The following HTR4 variants were observed in gnomAD, a reference collection of about 807,000 sequenced individuals.
HTR4 encodes 5-hydroxytryptamine receptor 4, also known as 5-hydroxytryptamine (serotonin) receptor 4, G protein-coupled.
In HTR4, 16 loss-of-function variants were observed where a neutral mutation model predicts 36.8. The observed-to-expected ratio is 0.43, with a 90% confidence interval of 0.29 to 0.66. The LOEUF (loss-of-function observed/expected upper bound fraction) is 0.66, where lower values mean the gene tolerates loss of function less well. Among genes scored for constraint, HTR4 ranks in the 30% least tolerant of loss-of-function variants. HTR4 has a pLI of 0.13. For missense variants in HTR4, 438 were observed against 490.9 expected (o/e 0.89, Z 1.02); for synonymous variants, 189 against 185.1 (o/e 1.02, Z -0.17).
downstream of HTR4, among the ~76,000 whole-genome samples, chr5:148,474,712 C>T (rs1372447932): frequency 6.6e-6 from 1 of 152,100 alleles, no homozygotes; most frequent in Admixed American, 6.5e-5. Flanking sequence ...TTCTAGGCAG[C>T]CAGAAAATTA....
chr5:148,533,645 G>A (rs1239983200), intron 4 of HTR4, among the ~76,000 whole-genome samples: 2 of 152,160 alleles, frequency 1.3e-5, no homozygotes. Flanking sequence ...GGAGATAGTA[G>A]CAGTCAACTT....
At chr5:148,520,333 T>C (rs536908687) in intron 5 of HTR4, among the ~76,000 whole-genome samples, 1 of 152,312 alleles carries the variant, frequency 6.6e-6, no homozygotes, top group East Asian at 1.9e-4. Flanking sequence ...TAAAATTAAA[T>C]AGGCAATCCC....
intron 2 of HTR4, among the ~76,000 whole-genome samples, chr5:148,625,857 G>A (rs1205172903): frequency 3.3e-5 from 5 of 151,800 alleles, no homozygotes; most frequent in African/African-American, 1.2e-4. Context: ...GGGATTACAG[G>A]TGTGAGCCAC....
At position 148,583,473 on chromosome 5, in the gene HTR4, G is replaced by GA. The variant is rs577224344; in HGVS notation, c.27-33212dup. Among the ~76,000 whole-genome samples the GA allele has an allele frequency of 4.0e-4, 59 of 149,124 alleles. 1 individual carries two copies. Among genetic ancestry groups the GA allele is most frequent in the South Asian group, 3.2e-3 (15 of 4,724 alleles). On this transcript the variant is annotated intron_variant, in intron 2 of 6. Transcript: ENST00000377888. ...AATAAAGTTAATTTGATATTTTGCA[G>GA]AAAAAAAAAGAATGATGCAAAGGCT...
intron 6 of HTR4, among the ~76,000 whole-genome samples, chr5:148,494,656 G>T (rs1756606721): frequency 6.6e-6 from 1 of 152,228 alleles, no homozygotes; most frequent in Non-Finnish European, 1.5e-5. Context: ...CTGAGAGAAA[G>T]TTGTATTGCC....
intron 1 of HTR4, among the ~76,000 whole-genome samples, chr5:148,652,510 GA>G (rs1177378891): frequency 6.6e-6 from 1 of 152,154 alleles, no homozygotes; most frequent in Non-Finnish European, 1.5e-5. Context: ...AGAGCAGGGT[GA>G]AAGAATATAC....
At chr5:148,606,524 C>T (rs967389349) in intron 2 of HTR4, among the ~76,000 whole-genome samples, 1 of 152,096 alleles carries the variant, frequency 6.6e-6, no homozygotes, top group Admixed American at 6.6e-5. Context: ...GGCTTAACTC[C>T]ACCAAAACTG....
At position 148,654,193 on chromosome 5, in the gene HTR4, C is replaced by G; in HGVS notation, c.-179G>C. ...CTGCCTGCGCCCTCCCTGCCGCCCCCTCGGGTGCGGGCTCCAGCCCCCGCG... is the reference window on the plus strand; with the variant it reads ...CTGCCTGCGCCCTCCCTGCCGCCCCGTCGGGTGCGGGCTCCAGCCCCCGCG... On this transcript the variant is annotated 5_prime_UTR_variant, in exon 1 of 7. Coordinates refer to ENST00000377888, the MANE Select transcript of HTR4 (RefSeq NM_000870.7). The G allele has an allele frequency of 7.1e-6, 7 of 985,400 alleles. No homozygotes were observed. The highest frequency in any genetic ancestry group is 8.4e-6 in the Non-Finnish European group (7 of 829,920). The allele number at this position is 985,400 out of a possible 1,614,324, so 61.0% of individuals were successfully genotyped here. A position where few individuals can be genotyped will look rare whatever the true frequency, so the allele number is the denominator to read the frequency against.
intron 2 of HTR4, among the ~76,000 whole-genome samples, chr5:148,559,852 T>C (rs1320981240): frequency 6.6e-6 from 1 of 152,152 alleles, no homozygotes; most frequent in Non-Finnish European, 1.5e-5. Context: ...AATCAGAAGA[T>C]AGCAGAAGCC....
rs1760604629 is a variant in HTR4, at chr5:148,569,829, A to G, written c.27-19567T>C. Reference sequence around the variant, plus strand: ...AGAGGTCATGGCCATAAGAATGCACACCCAATTGTTAATCATAAATATTTT... The same window carrying G: ...AGAGGTCATGGCCATAAGAATGCACGCCCAATTGTTAATCATAAATATTTT... On this transcript the variant is annotated intron_variant, in intron 2 of 6. Transcript: ENST00000377888. Among the ~76,000 whole-genome samples, 7 of 152,202 alleles carry G rather than the reference A, an allele frequency of 4.6e-5. 1 individual carries two copies. The South Asian group carries it at 1.4e-3, about 32-fold the overall frequency.
chr5:148,455,632 T>C (rs866897559), intron 5 of HTR4, among the ~76,000 whole-genome samples: 25 of 152,144 alleles, frequency 1.6e-4, no homozygotes, highest in African/African-American at 5.3e-4. Context: ...CCAGTTACAG[T>C]TGATCGTTGA....
At chr5:148,467,375 G>A (rs182716809) in intron 5 of HTR4, among the ~76,000 whole-genome samples, 3 of 152,158 alleles carry the variant, frequency 2.0e-5, no homozygotes, top group African/African-American at 7.2e-5. Context: ...AACAATGGTG[G>A]GTTTTTTTGG....
At chr5:148,460,403 A>T (rs921257440) in intron 5 of HTR4, among the ~76,000 whole-genome samples, 1 of 152,150 alleles carries the variant, frequency 6.6e-6, no homozygotes, top group African/African-American at 2.4e-5. Context: ...GCCAGAGTGG[A>T]AAAATACTTA....
chr5:148,551,862 C>G (rs1050708426), intron 2 of HTR4, among the ~76,000 whole-genome samples: 1 of 152,126 alleles, frequency 6.6e-6, no homozygotes, highest in African/African-American at 2.4e-5. Context: ...ATGGGTTAGA[C>G]AAGTTTGTCC....
exon 6 of HTR4, chr5:148,451,223 T>C: frequency 6.2e-7 from 1 of 1,613,968 alleles, no homozygotes; most frequent in East Asian, 2.2e-5. Flanking sequence ...TCATTGTGTA[T>C]GGGCAGTTTC....
intron 6 of HTR4, among the ~76,000 whole-genome samples, chr5:148,504,457 C>A (rs972978174): frequency 2.0e-5 from 3 of 152,168 alleles, no homozygotes; most frequent in African/African-American, 7.2e-5. Context: ...AGAACAAAGA[C>A]ATGACATACC....
downstream of HTR4, chr5:148,476,505 A>G: frequency 2.5e-6 from 3 of 1,185,638 alleles, no homozygotes; most frequent in Non-Finnish European, 3.2e-6. Flanking sequence ...TCTTATCAGA[A>G]GGCTGCAGCT....
intron 2 of HTR4, among the ~76,000 whole-genome samples, chr5:148,563,924 A>ATGAC (rs146584224): frequency 1.4e-5 from 2 of 140,826 alleles, no homozygotes; most frequent in East Asian, 1.9e-4. Context: ...TGTGGAATGA[A>ATGAC]TGACTGACTG....
Position 148,644,422 on chromosome 5 carries a change from GTTTTTTTTTTTTTTTT to G in HTR4, c.-47-7377_-47-7362del, listed in dbSNP as rs1175588280. Among the ~76,000 whole-genome samples, 381 of 40,656 alleles carry G rather than the reference GTTTTTTTTTTTTTTTT, an allele frequency of 9.4e-3. 3 individuals carry two copies. The highest frequency in any genetic ancestry group is 0.052 in the South Asian group (57 of 1,086). The allele number at this position is 40,656 out of a possible 152,430, so 26.7% of individuals were successfully genotyped here. On this transcript the variant is annotated intron_variant, in intron 1 of 6. Coordinates refer to ENST00000377888, the MANE Select transcript of HTR4 (RefSeq NM_000870.7). ...AGATGAATAGGTCTCAAGCTCACAA[GTTTTTTTTTTTTTTTT>G]TTTTTTTTTTTTTTTTTGCTGGAAA...
Sources: allele counts gnomAD v4.1 joint callset (sites outside exome capture counted in the v4.1 genomes callset), GRCh38; gene constraint gnomAD v4.1.1; transcripts MANE v1.5; gene names NCBI Gene and HGNC (gene_info 2026-07-23, HGNC 2026-07-21).